Variants in ANK3 observed in about 807,000 individuals in gnomAD.
The protein encoded by ANK3 is ankyrin 3.
In ANK3, 57 loss-of-function variants were observed where a neutral mutation model predicts 370.9. That is an observed-to-expected ratio of 0.15 (90% CI 0.12 to 0.19). The LOEUF (loss-of-function observed/expected upper bound fraction) is 0.19, where lower values mean the gene tolerates loss of function less well. Among genes scored for constraint, ANK3 ranks in the 10% least tolerant of loss-of-function variants. The pLI, the probability that ANK3 is intolerant of heterozygous loss-of-function variation, is 1.00. For missense variants in ANK3, 4,439 were observed against 5,302.1 expected (o/e 0.84, Z 5.06); for synonymous variants, 1,929 against 1,946.3 (o/e 0.99, Z 0.23).
intron 2 of ANK3, among the ~76,000 whole-genome samples, chr10:60,479,371 G>A (rs1011852660): frequency 6.6e-6 from 1 of 152,114 alleles, no homozygotes; most frequent in Non-Finnish European, 1.5e-5. Flanking sequence ...TTGTAGACTA[G>A]GAGCAATAGA....
At chr10:60,437,841 T>C (rs1288518415) in intron 2 of ANK3, among the ~76,000 whole-genome samples, 1 of 152,218 alleles carries the variant, frequency 6.6e-6, no homozygotes, top group Non-Finnish European at 1.5e-5. Flanking sequence ...ACTTATGCAG[T>C]ACCTCACAGA....
intron 17 of ANK3, among the ~76,000 whole-genome samples, chr10:60,185,624 G>A (rs543838284): frequency 1.3e-5 from 2 of 152,196 alleles, no homozygotes; most frequent in African/African-American, 4.8e-5. Flanking sequence ...AGCTAGGCCT[G>A]AGAAATATCA....
intron 36 of ANK3, among the ~76,000 whole-genome samples, chr10:60,077,657 C>T (rs2084136286): frequency 1.3e-5 from 2 of 152,156 alleles, no homozygotes; most frequent in African/African-American, 4.8e-5. Context: ...GATATTTTTT[C>T]ATAACCTAAT....
chr10:60,144,427 T>C (rs2094714135), intron 23 of ANK3, among the ~76,000 whole-genome samples: 1 of 152,218 alleles, frequency 6.6e-6, no homozygotes. Context: ...ACTTTTATCT[T>C]GAGCACTGAT....
intron 23 of ANK3, among the ~76,000 whole-genome samples, chr10:60,151,179 C>T (rs1396292123): frequency 2.0e-5 from 3 of 152,132 alleles, no homozygotes; most frequent in Admixed American, 2.0e-4. Context: ...TACCACATGC[C>T]AAGTTCTAGG....
chr10:60,251,159 T>A (rs574931638), intron 7 of ANK3, among the ~76,000 whole-genome samples: 2 of 152,340 alleles, frequency 1.3e-5, no homozygotes, highest in East Asian at 3.9e-4. Flanking sequence ...CAGTGATACA[T>A]GAAAGCTATT....
chr10:60,523,354 AG>A (rs2076393937), intron 2 of ANK3, among the ~76,000 whole-genome samples: 1 of 151,364 alleles, frequency 6.6e-6, no homozygotes, highest in African/African-American at 2.4e-5. Flanking sequence ...CTCATTATTT[AG>A]CATTAGGTGT....
chr10:60,180,594 C>T (rs1224917196), intron 18 of ANK3, among the ~76,000 whole-genome samples: 2 of 63,414 alleles, frequency 3.2e-5, no homozygotes, highest in African/African-American at 6.9e-5. Context: ...GACTCCGTCT[C>T]AAAAAAAAAA....
At chr10:60,468,589 A>T (rs1222627583) in intron 2 of ANK3, among the ~76,000 whole-genome samples, 1 of 152,044 alleles carries the variant, frequency 6.6e-6, no homozygotes, top group African/African-American at 2.4e-5. Context: ...TCTCTTGTTT[A>T]CCATGATTAC....
intron 8 of ANK3, among the ~76,000 whole-genome samples, chr10:60,226,783 A>T (rs2097171114): frequency 6.8e-6 from 1 of 146,616 alleles, no homozygotes; most frequent in South Asian, 2.1e-4. Flanking sequence ...CTGAATTAAT[A>T]TACCACTTTA....
At chr10:60,035,126 T>C (rs77192743) in intron 43 of ANK3, among the ~76,000 whole-genome samples, 195 of 152,312 alleles carry the variant, frequency 1.3e-3, no homozygotes, top group African/African-American at 4.4e-3. Context: ...GGTAAAGATA[T>C]TTATTCTAAA....
chr10:60,368,607 A>G (rs2059707761), intron 1 of ANK3, among the ~76,000 whole-genome samples: 1 of 152,212 alleles, frequency 6.6e-6, no homozygotes, highest in Non-Finnish European at 1.5e-5. Flanking sequence ...AGTGGAAATT[A>G]AAATAGAGCC....
chr10:60,253,860 G>A (rs912633866), intron 7 of ANK3, among the ~76,000 whole-genome samples: 2 of 152,128 alleles, frequency 1.3e-5, no homozygotes, highest in Admixed American at 6.5e-5. Flanking sequence ...AAAAAGAAAT[G>A]TATGTGTGTG....
chr10:60,645,184 C>T (rs2078694292), intron 1 of ANK3, among the ~76,000 whole-genome samples: 1 of 151,938 alleles, frequency 6.6e-6, no homozygotes, highest in African/African-American at 2.4e-5. Context: ...TCTTTTGTCA[C>T]CCAATTTATT....
At chr10:60,616,486 C>A (rs1025698601) in intron 1 of ANK3, among the ~76,000 whole-genome samples, 7 of 152,072 alleles carry the variant, frequency 4.6e-5, no homozygotes, top group Non-Finnish European at 1.0e-4. Context: ...GTATATCTTG[C>A]CTTTTCCCCT....
chr10:60,345,752 G>A (rs537778202), intron 1 of ANK3, among the ~76,000 whole-genome samples: 4 of 152,112 alleles, frequency 2.6e-5, no homozygotes, highest in South Asian at 4.1e-4. Context: ...TAAAAATCAC[G>A]AGTCTTATAT....
intron 1 of ANK3, among the ~76,000 whole-genome samples, chr10:60,710,427 A>T (rs111401997): frequency 6.7e-6 from 1 of 148,924 alleles, no homozygotes; most frequent in African/African-American, 2.4e-5. Context: ...GTTTTGATAA[A>T]TTTTAACTTT....
chr10:60,171,339 T>A (rs2095789127), intron 21 of ANK3, among the ~76,000 whole-genome samples: 1 of 152,212 alleles, frequency 6.6e-6, no homozygotes, highest in East Asian at 1.9e-4. Flanking sequence ...AATTATACAT[T>A]GAGTAACACT....
chr10:60,678,481 G>A (rs778122102), intron 1 of ANK3, among the ~76,000 whole-genome samples: 14 of 151,928 alleles, frequency 9.2e-5, no homozygotes, highest in Middle Eastern at 3.4e-3. Context: ...CAAAATACAA[G>A]GCTTACCTTA....
Sources: gnomAD v4.1 joint callset for allele counts (sites outside exome capture counted in the v4.1 genomes callset) on GRCh38, gnomAD v4.1.1 for gene constraint, MANE v1.5 for transcripts, NCBI Gene and HGNC (gene_info 2026-07-23, HGNC 2026-07-21) for gene names.